ZNF532: variants seen among roughly 807,000 people sequenced by gnomAD.
ZNF532 encodes zinc finger protein 532.
A neutral mutation model predicts 89.3 loss-of-function variants in ZNF532; 22 were observed. The ratio of observed to expected loss-of-function variants is 0.25; its 90% CI spans 0.18 to 0.35. ZNF532 has a LOEUF of 0.35. Among genes scored for constraint, ZNF532 ranks in the 10% least tolerant of loss-of-function variants. ZNF532 has a pLI of 1.00. For synonymous variants in ZNF532, 606 were observed against 649.6 expected, an observed-to-expected ratio of 0.93 and a Z score of 1.02; for missense variants, 1,132 against 1,643.4, an observed-to-expected ratio of 0.69 and a Z score of 5.38.
At chr18:58,897,619 A>C (rs2059331928) in intron 2 of ZNF532, among the ~76,000 whole-genome samples, 1 of 152,218 alleles carries the variant, frequency 6.6e-6, no homozygotes. Context: ...CTTGAAGAGC[A>C]GAGCAATTTT....
chr18:58,881,984 G>A (rs756012693), intron 2 of ZNF532, among the ~76,000 whole-genome samples: 1 of 152,046 alleles, frequency 6.6e-6, no homozygotes, highest in South Asian at 2.1e-4. Flanking sequence ...TTGAGACAGG[G>A]TCTTGCTCCG....
Position 58,883,210 on chromosome 18 carries a change from A to G in ZNF532, c.-18+17631A>G, listed in dbSNP as rs551438977. On this transcript the variant is annotated intron_variant, in intron 2 of 9. Coordinates refer to ENST00000591808, the MANE Select transcript of ZNF532 (RefSeq NM_001375912.1). The stretch of plus-strand genomic sequence containing the variant: ...TGTGTTTTTTTCCTGTTTTCTGTTT[A>G]CTCCAGGAAGAGAACTTTTAAATGA... Among the ~76,000 whole-genome samples, 35 of 152,226 alleles carry G rather than the reference A, an allele frequency of 2.3e-4. No individual in the cohort carries two copies. The South Asian group carries it at 6.6e-3, about 29-fold the overall frequency.
chr18:58,873,237 G>C (rs1015050533), intron 2 of ZNF532, among the ~76,000 whole-genome samples: 1 of 151,962 alleles, frequency 6.6e-6, no homozygotes, highest in African/African-American at 2.4e-5. Flanking sequence ...GCCCAGGCTG[G>C]TCTCAAACAC....
chr18:58,932,260 T>A (rs1247358470), intron 3 of ZNF532: 1 of 152,166 alleles, frequency 6.6e-6, no homozygotes. Flanking sequence ...AGTCCTACAG[T>A]TGGGGTGGGG....
chr18:58,863,167 G>A (rs965684452), upstream of ZNF532: 4 of 152,248 alleles, frequency 2.6e-5, no homozygotes, highest in Non-Finnish European at 5.9e-5. Context: ...TTCCACTCGA[G>A]TAAGTCGCGG....
chr18:58,952,193 C>T (rs2064276086), intron 6 of ZNF532, among the ~76,000 whole-genome samples: 1 of 152,176 alleles, frequency 6.6e-6, no homozygotes, highest in African/African-American at 2.4e-5. Context: ...TGAGGTCTAT[C>T]AGTGTGAGTC....
chr18:58,961,379 C>T (rs917154588), intron 7 of ZNF532, among the ~76,000 whole-genome samples: 3 of 152,154 alleles, frequency 2.0e-5, no homozygotes, highest in Non-Finnish European at 4.4e-5. Flanking sequence ...TGCATTTCTC[C>T]GGGGCAGTCA....
At chr18:58,880,559 G>A (rs1482807055) in intron 2 of ZNF532, among the ~76,000 whole-genome samples, 1 of 152,104 alleles carries the variant, frequency 6.6e-6, no homozygotes, top group Non-Finnish European at 1.5e-5. Flanking sequence ...TCTTTACTCA[G>A]AAATTGCAAA....
At chr18:58,938,107 A>T (rs929610646) in intron 4 of ZNF532, among the ~76,000 whole-genome samples, 1 of 152,182 alleles carries the variant, frequency 6.6e-6, no homozygotes, top group Non-Finnish European at 1.5e-5. Context: ...CATGATTCAG[A>T]AGGGAGGTTC....
intron 5 of ZNF532, among the ~76,000 whole-genome samples, chr18:58,942,212 T>G (rs545828311): frequency 3.3e-5 from 5 of 151,386 alleles, no homozygotes; most frequent in African/African-American, 1.2e-4. Context: ...TTAGTAGAGA[T>G]GGGGTTTCAC....
chr18:58,888,929 G>A (rs1477961244), intron 2 of ZNF532, among the ~76,000 whole-genome samples: 1 of 102,478 alleles, frequency 9.8e-6, no homozygotes, highest in African/African-American at 3.8e-5. Flanking sequence ...TACAGGCTGA[G>A]TATCCCTTAT....
At chr18:58,959,260 G>GTTTTTTGTTT (rs2065098207) in intron 7 of ZNF532, among the ~76,000 whole-genome samples, 1 of 128,708 alleles carries the variant, frequency 7.8e-6, no homozygotes, top group African/African-American at 3.3e-5. Context: ...TTTGTTTTTT[G>GTTTTTTGTTT]TTTTTTTTTG....
chr18:58,884,079 C>T (rs1054098552), intron 2 of ZNF532, among the ~76,000 whole-genome samples: 3 of 152,170 alleles, frequency 2.0e-5, no homozygotes, highest in Admixed American at 6.5e-5. Flanking sequence ...AAATTTAGTG[C>T]TTAAAATTTA....
intron 6 of ZNF532, among the ~76,000 whole-genome samples, chr18:58,949,519 T>C (rs897233431): frequency 1.3e-5 from 2 of 152,080 alleles, no homozygotes; most frequent in African/African-American, 4.8e-5. Flanking sequence ...CTACTAAAAA[T>C]ACAAAAATCA....
At chr18:58,888,891 TTATA>T (rs71173096) in intron 2 of ZNF532, among the ~76,000 whole-genome samples, 2 of 37,266 alleles carry the variant, frequency 5.4e-5, no homozygotes, top group Non-Finnish European at 8.5e-5. Flanking sequence ...TATATATATT[TTATA>T]TATATATATA....
chr18:58,901,948 G>A (rs1235135136), intron 2 of ZNF532, among the ~76,000 whole-genome samples: 1 of 152,178 alleles, frequency 6.6e-6, no homozygotes, highest in Non-Finnish European at 1.5e-5. Flanking sequence ...TGGACAGCTA[G>A]GAGTAGACAC....
chr18:58,876,795 C>T (rs542511166), intron 2 of ZNF532, among the ~76,000 whole-genome samples: 53 of 152,296 alleles, frequency 3.5e-4, no homozygotes, highest in African/African-American at 1.1e-3. Flanking sequence ...CAATGGCTCA[C>T]GCCTGTAATC....
chr18:58,889,613 A>G (rs1483516900), intron 2 of ZNF532, among the ~76,000 whole-genome samples: 1 of 151,866 alleles, frequency 6.6e-6, no homozygotes, highest in Non-Finnish European at 1.5e-5. Context: ...CAGCCTGGCC[A>G]ATATGGTGAA....
chr18:58,890,596 T>G (rs887091771), intron 2 of ZNF532, among the ~76,000 whole-genome samples: 3 of 146,528 alleles, frequency 2.0e-5, no homozygotes, highest in African/African-American at 7.7e-5. Context: ...TGCCGCCCAT[T>G]TTTTTTTTTT....
Sources: allele counts gnomAD v4.1 joint callset (sites outside exome capture counted in the v4.1 genomes callset), GRCh38; gene constraint gnomAD v4.1.1; transcripts MANE v1.5; gene names NCBI Gene and HGNC (gene_info 2026-07-23, HGNC 2026-07-21).